The following FNIP2 variants were observed in gnomAD, a reference collection of about 807,000 sequenced individuals.
FNIP2 encodes the protein folliculin-interacting protein 2.
Under a neutral mutation model 108.7 loss-of-function variants are expected in FNIP2, and 32 were observed. The observed-to-expected ratio is 0.29, with a 90% CI of 0.22 to 0.40. The LOEUF is 0.40. Ranked by LOEUF, FNIP2 falls within the 10% of genes least tolerant of loss-of-function variation. The pLI is 1.00. For synonymous variants in FNIP2, 480 were observed against 496.7 expected (o/e 0.97, Z 0.45); for missense variants, 1,202 against 1,381.6 (o/e 0.87, Z 2.06).
At chr4:158,783,781 G>C (rs2126430663) in intron 1 of FNIP2, among the ~76,000 whole-genome samples, 1 of 152,286 alleles carries the variant, frequency 6.6e-6, no homozygotes, top group South Asian at 2.1e-4. Flanking sequence ...TCTCCATCTG[G>C]TTCCATCCAG....
intron 1 of FNIP2, among the ~76,000 whole-genome samples, chr4:158,778,357 T>C (rs907940559): frequency 1.3e-5 from 2 of 152,210 alleles, no homozygotes; most frequent in African/African-American, 4.8e-5. Flanking sequence ...TGCCTGTGAG[T>C]TAGCTCTGCT....
chr4:158,857,834 G>C (rs1780072478), intron 8 of FNIP2, among the ~76,000 whole-genome samples: 1 of 151,422 alleles, frequency 6.6e-6, no homozygotes, highest in South Asian at 2.1e-4. Context: ...TGTAGTCCCA[G>C]CTACTTGGGA....
intron 1 of FNIP2, among the ~76,000 whole-genome samples, chr4:158,784,290 C>T (rs1482781417): frequency 6.6e-6 from 1 of 152,184 alleles, no homozygotes; most frequent in Admixed American, 6.5e-5. Context: ...TTCTTCCAAA[C>T]TCGGTTTAGA....
chr4:158,809,066 C>T (rs1267297269), intron 1 of FNIP2, among the ~76,000 whole-genome samples: 1 of 152,174 alleles, frequency 6.6e-6, no homozygotes, highest in Non-Finnish European at 1.5e-5. Flanking sequence ...CAATTCATTT[C>T]ACAAAATTCT....
chr4:158,839,803 G>A (rs1237862154), intron 7 of FNIP2, among the ~76,000 whole-genome samples: 1 of 152,006 alleles, frequency 6.6e-6, no homozygotes, highest in African/African-American at 2.4e-5. Flanking sequence ...TTACTTTCTG[G>A]CAAGACAAGA....
At chr4:158,833,493 C>T (rs1415506851) in intron 5 of FNIP2, 35 bp from the exon 6 acceptor site, 1 of 1,383,022 alleles carries the variant, frequency 7.2e-7, no homozygotes, top group African/African-American at 1.5e-5. Flanking sequence ...CGTTTTTGTC[C>T]TCTTTCTCCT....
At chr4:158,845,904 A>G (rs959647667) in intron 7 of FNIP2, among the ~76,000 whole-genome samples, 4 of 152,252 alleles carry the variant, frequency 2.6e-5, no homozygotes, top group Admixed American at 6.5e-5. Context: ...TCTCATTTGC[A>G]TGCCATAAAA....
At chr4:158,790,385 T>C (rs1253135999) in intron 1 of FNIP2, among the ~76,000 whole-genome samples, 1 of 151,998 alleles carries the variant, frequency 6.6e-6, no homozygotes, top group African/African-American at 2.4e-5. Context: ...GCCATTATTC[T>C]TAATAAATAT....
At chr4:158,775,557 T>C (rs776285220) in intron 1 of FNIP2, among the ~76,000 whole-genome samples, 1 of 147,562 alleles carries the variant, frequency 6.8e-6, no homozygotes, top group Non-Finnish European at 1.5e-5. Context: ...TTGTAACCAG[T>C]GCTTGAATGG....
chr4:158,789,325 G>GTGTA (rs1553953741), intron 1 of FNIP2, among the ~76,000 whole-genome samples: 140 of 120,990 alleles, frequency 1.2e-3, no homozygotes, highest in East Asian at 2.0e-3. Context: ...GTGTGTATGT[G>GTGTA]TGTGTGTGTG....
chr4:158,881,319 AC>A, intron 14 of FNIP2, among the ~76,000 whole-genome samples: 1 of 104,428 alleles, frequency 9.6e-6, no homozygotes, highest in African/African-American at 4.1e-5. Context: ...CTCTCTTTCC[AC>A]CGTCTCGTCT....
intron 12 of FNIP2, among the ~76,000 whole-genome samples, chr4:158,866,894 T>A (rs1780614512): frequency 6.6e-6 from 1 of 152,188 alleles, no homozygotes; most frequent in Non-Finnish European, 1.5e-5. Flanking sequence ...ATCTTTAGGG[T>A]CTTAACACAG....
intron 1 of FNIP2, among the ~76,000 whole-genome samples, chr4:158,809,165 A>G (rs1448754930): frequency 2.0e-5 from 3 of 152,194 alleles, no homozygotes; most frequent in Non-Finnish European, 4.4e-5. Context: ...CTTCAAATCT[A>G]GTGACTCTTT....
chr4:158,857,779 C>T (rs1578924038), intron 8 of FNIP2, among the ~76,000 whole-genome samples: 1 of 42,190 alleles, frequency 2.4e-5, no homozygotes, highest in East Asian at 8.2e-4. Flanking sequence ...TCCATCTCTA[C>T]CAAAAAAAAA....
rs1229124425 is a variant in FNIP2, at chr4:158,869,256, G to A, written c.2620G>A (p.Asp874Asn). 6.2e-7 allele frequency: 1 copy of A among 1,614,044 alleles called. No individual in the cohort carries two copies. The highest frequency in any genetic ancestry group is 8.5e-7 in the Non-Finnish European group (1 of 1,179,896). ...GGCTGGTGCGAATATCCCCTGTGGG[G>A]ATGACAACAAGAAGGCCAACTTCAG... ...LVAGANIPCG[D>N]DNKKANFRTE... is the part of the protein sequence containing the mutation. The change falls in exon 13 of 17, where the codon GAT becomes AAT. Residue 874 changes from aspartate to asparagine, a missense_variant. Coordinates refer to ENST00000264433, the MANE Select transcript of FNIP2 (RefSeq NM_020840.3).
intron 1 of FNIP2, among the ~76,000 whole-genome samples, chr4:158,770,537 C>T (rs1437295381): frequency 1.3e-5 from 2 of 152,086 alleles, no homozygotes; most frequent in South Asian, 2.1e-4. Flanking sequence ...TCACTGTGGT[C>T]ATGTGAAAAT....
intron 14 of FNIP2, among the ~76,000 whole-genome samples, chr4:158,882,926 T>TGTTTA (rs1447782231): frequency 9.2e-5 from 14 of 151,998 alleles, no homozygotes; most frequent in Admixed American, 3.9e-4. Context: ...TCTGCTGACC[T>TGTTTA]TCCCTCCACT....
chr4:158,882,403 C>A (rs1560829444), intron 14 of FNIP2, among the ~76,000 whole-genome samples: 1 of 150,932 alleles, frequency 6.6e-6, no homozygotes, highest in African/African-American at 2.4e-5. Context: ...GCCCGGCCAC[C>A]ACCCCGTCCG....
Position 158,832,138 on chromosome 4 carries a change from A to T in FNIP2, c.554A>T (p.Asn185Ile), listed in dbSNP as rs774918061. The stretch of plus-strand genomic sequence containing the variant: ...GGCAGCTTCTGTGGAAGTACAAATA[A>T]GTAAGTGTAGGATTTTGCATTCCCC... ...RMGSFCGSTN[N>I]LQDSFEYINQ... The change falls in exon 5 of 17, where the codon AAC (asparagine) becomes ATC (isoleucine). Residue 185 changes from asparagine to isoleucine, a missense_variant and splice_region_variant. This residue lies in a region of FNIP2 where 878 missense variants were observed against 990.3 expected (regional missense o/e 0.89). Coordinates refer to ENST00000264433, the MANE Select transcript of FNIP2 (RefSeq NM_020840.3). 5.6e-6 allele frequency: 9 copies of T among 1,612,712 alleles called. No individual in the cohort carries two copies. The highest frequency in any genetic ancestry group is 7.6e-6 in the Non-Finnish European group (9 of 1,178,844).
Sources: gnomAD v4.1 joint callset for allele counts (sites outside exome capture counted in the v4.1 genomes callset) on GRCh38, gnomAD v4.1.1 for gene constraint, gnomAD v4.1.1 regional missense constraint, MANE v1.5 for transcripts, NCBI Gene and HGNC (gene_info 2026-07-23, HGNC 2026-07-21) for gene names.